The following CDKN2A variants were observed in gnomAD, a reference collection of about 807,000 sequenced individuals.
CDKN2A encodes cyclin dependent kinase inhibitor 2A.
Under a neutral mutation model 11.1 loss-of-function variants are expected in CDKN2A, and 3 were observed. The observed-to-expected ratio is 0.27, with a 90% CI of 0.12 to 0.70. CDKN2A has a LOEUF of 0.70. CDKN2A is among the 30% of genes least tolerant of loss of function. The pLI, the probability that CDKN2A is intolerant of heterozygous loss-of-function variation, is 0.77. For missense variants in CDKN2A, 265 were observed against 233.6 expected (o/e 1.13, Z -0.88); for synonymous variants, 122 against 108.1 (o/e 1.13, Z -0.80).
At chr9:21,984,777 G>T (rs1405399908) in intron 2 of CDKN2A, among the ~76,000 whole-genome samples, 1 of 151,922 alleles carries the variant, frequency 6.6e-6, no homozygotes, top group Non-Finnish European at 1.5e-5. Context: ...ATGGAGAATG[G>T]TTGTCCCCCT....
At chr9:21,986,409 G>A (rs915632951) in intron 2 of CDKN2A, among the ~76,000 whole-genome samples, 2 of 152,074 alleles carry the variant, frequency 1.3e-5, no homozygotes, top group Admixed American at 6.5e-5. Flanking sequence ...TTATACGGCT[G>A]ATGCTTGAGT....
chr9:21,985,340 C>A (rs1486174545), intron 2 of CDKN2A, among the ~76,000 whole-genome samples: 2 of 151,912 alleles, frequency 1.3e-5, no homozygotes, highest in Non-Finnish European at 2.9e-5. Context: ...TAAATAACTT[C>A]TTCACATTTG....
chr9:21,991,168 G>C lies in CDKN2A; in HGVS notation c.-4+2714C>G, dbSNP rs1290359475. ...TCACGTTGGTTTTTGTATCAGGCTG[G>C]GCTTTGCAGCAGATGGAGGAGCTAG... On this transcript the variant is annotated intron_variant, in intron 2 of 3. Transcript: ENST00000494262. This position sits in a 1 kb window ranked among gnomAD's most constrained non-coding sequence, Gnocchi z 5.2. 6.6e-6 allele frequency among the ~76,000 whole-genome samples: 1 copy of C among 152,138 alleles called. No homozygotes were observed. Among genetic ancestry groups the C allele is most frequent in the Non-Finnish European group, 1.5e-5 (1 of 68,030 alleles).
chr9:21,973,528 C>T (rs1318790325), intron 1 of CDKN2A, among the ~76,000 whole-genome samples: 3 of 152,132 alleles, frequency 2.0e-5, no homozygotes, highest in Admixed American at 6.5e-5. Flanking sequence ...GCCAAACTCC[C>T]GGGTTCAAGC....
In CDKN2A at chr9:21,967,900, C is replaced by T; in HGVS notation, c.*329G>A. On this transcript the variant is annotated 3_prime_UTR_variant, in exon 3 of 3. Transcript: ENST00000304494. ...TGAAGTCGACAGCTTCCGGAGGCTG[C>T]GAGGCTCGCAAGAAATGCCCACATG... The T allele has an allele frequency of 2.7e-6, 1 of 367,768 alleles. No individual in the cohort carries two copies. The highest frequency in any genetic ancestry group is 4.9e-6 in the Non-Finnish European group (1 of 203,480). 22.8% of individuals were successfully genotyped at this position (367,768 alleles called of 1,614,324 possible).
Position 21,995,026 on chromosome 9 carries a change from A to T in CDKN2A, c.-381T>A, listed in dbSNP as rs554394716. 4 of 152,378 alleles carry T rather than the reference A, an allele frequency of 2.6e-5. No individual in the cohort carries two copies. In the East Asian group the frequency reaches 5.8e-4, roughly 22 times the overall value. 9.4% of individuals were successfully genotyped at this position (152,378 alleles called of 1,614,324 possible). ...GGCTGAATGTCAGTTTTGAACTAAAAGCCGCTCCGCTCCTCTTCTAGATTT... is the reference window on the plus strand; with the variant it reads ...GGCTGAATGTCAGTTTTGAACTAAATGCCGCTCCGCTCCTCTTCTAGATTT... On this transcript the variant is annotated 5_prime_UTR_variant, in exon 1 of 4. Coordinates refer to the CDKN2A transcript ENST00000494262. This position sits in a 1 kb window ranked among gnomAD's most constrained non-coding sequence, Gnocchi z 5.7.
chr9:21,984,332 G>A (rs3731218), intron 2 of CDKN2A, among the ~76,000 whole-genome samples: 2,070 of 152,074 alleles, frequency 0.014, 27 homozygotes, highest in Middle Eastern at 0.034. Context: ...ACTGGAGAGT[G>A]TCACTGTGTT....
At chr9:21,987,865 G>A (rs1820338645) in intron 2 of CDKN2A, among the ~76,000 whole-genome samples, 1 of 152,118 alleles carries the variant, frequency 6.6e-6, no homozygotes, top group South Asian at 2.1e-4. Context: ...GTCCCAATGG[G>A]CCACTTGTAT....
upstream of CDKN2A, among the ~76,000 whole-genome samples, chr9:21,975,358 G>A (rs936760907): frequency 6.6e-6 from 1 of 152,098 alleles, no homozygotes; most frequent in African/African-American, 2.4e-5. Context: ...GTGTCATAGG[G>A]AAAGTATGGC....
rs1162872633 is a variant in CDKN2A at position 21,991,481 on chromosome 9, A to C, written c.-4+2401T>G. On this transcript the variant is annotated intron_variant, in intron 2 of 3. Transcript: ENST00000494262. This position sits in a 1 kb window ranked among gnomAD's most constrained non-coding sequence, Gnocchi z 5.2. ...CTAGAATGTTTTAGTACAGAAGGCA[A>C]GTGAGATTTTCTCTGTTTCTCCAAG... The C allele has an allele frequency of 5.4e-6, 1 of 185,422 alleles. No individual in the cohort carries two copies. The highest frequency in any genetic ancestry group is 2.4e-5 in the African/African-American group (1 of 41,998). The allele number at this position is 185,422 out of a possible 1,614,324, so 11.5% of individuals were successfully genotyped here.
upstream of CDKN2A, chr9:21,975,191 C>T: frequency 9.0e-7 from 1 of 1,112,258 alleles, no homozygotes; most frequent in South Asian, 3.9e-5. Flanking sequence ...GCCCCCCACA[C>T]CGCCCTCCGG....
chr9:21,977,080 C>T (rs937925271), upstream of CDKN2A, among the ~76,000 whole-genome samples: 1 of 152,164 alleles, frequency 6.6e-6, no homozygotes, highest in African/African-American at 2.4e-5. Flanking sequence ...GATTTTAAAA[C>T]ATGTAGTTTT....
chr9:21,973,372 G>C lies in CDKN2A; in HGVS notation c.150+1306C>G, dbSNP rs76709929. Among the ~76,000 whole-genome samples, 914 of 152,282 alleles carry C rather than the reference G, an allele frequency of 6.0e-3. 17 individuals carry two copies. The highest frequency in any genetic ancestry group is 0.021 in the African/African-American group (856 of 41,566). On this transcript the variant is annotated intron_variant, in intron 1 of 2. Transcript: ENST00000304494. ...TGTTCCTATATTAAACACCAATGTAGTTAGGATTCTAAGCCAACATCATTT... is the reference window on the plus strand; with the variant it reads ...TGTTCCTATATTAAACACCAATGTACTTAGGATTCTAAGCCAACATCATTT...
intron 1 of CDKN2A, among the ~76,000 whole-genome samples, chr9:21,973,640 C>T (rs1162954123): frequency 6.6e-6 from 1 of 152,138 alleles, no homozygotes; most frequent in Non-Finnish European, 1.5e-5. Context: ...GGAGAAACAC[C>T]TCTGTTCAAA....
Position 21,974,420 on chromosome 9 carries a change from T to C in CDKN2A, c.150+258A>G. 1 of 1,605,510 alleles carries C rather than the reference T, an allele frequency of 6.2e-7. No homozygotes were observed. The highest frequency in any genetic ancestry group is 8.5e-7 in the Non-Finnish European group (1 of 1,174,980). On this transcript the variant is annotated intron_variant, in intron 1 of 2. Coordinates refer to ENST00000304494, the MANE Select transcript of CDKN2A (RefSeq NM_000077.5). The surrounding 1 kb of genome is among the most constrained non-coding windows in gnomAD (Gnocchi z 5.2). Reference sequence around the variant, plus strand: ...AGAGCATACTTCCATCTAATACAAATATGTTCCCCCCTTCAGATCTTCTCA... The same window carrying C: ...AGAGCATACTTCCATCTAATACAAACATGTTCCCCCCTTCAGATCTTCTCA...
At chr9:21,980,352 G>C (rs1198948038) in intron 2 of CDKN2A, among the ~76,000 whole-genome samples, 1 of 152,162 alleles carries the variant, frequency 6.6e-6, no homozygotes, top group Non-Finnish European at 1.5e-5. Flanking sequence ...TCTCTGGGGA[G>C]ATACAGGAAA....
chr9:21,979,842 T>C (rs1014360108), upstream of CDKN2A, among the ~76,000 whole-genome samples: 1 of 152,182 alleles, frequency 6.6e-6, no homozygotes, highest in African/African-American at 2.4e-5. Context: ...ACCTGATTAC[T>C]TTCTTTAAAC....
At chr9:21,994,385 C>A (rs1443586456) in intron 1 of CDKN2A, 2 of 1,607,756 alleles carry the variant, frequency 1.2e-6, no homozygotes, top group African/African-American at 2.7e-5. Context: ...CCCTTTGGCA[C>A]CAGAGGTGAG....
At chr9:21,992,365 C>T in intron 2 of CDKN2A, 5 of 949,764 alleles carry the variant, frequency 5.3e-6, no homozygotes, top group Non-Finnish European at 6.3e-6. Flanking sequence ...TATCATTTTA[C>T]ATATGAAATT....
Sources: gnomAD v4.1 joint callset for allele counts (sites outside exome capture counted in the v4.1 genomes callset) on GRCh38, gnomAD v4.1.1 for gene constraint, Gnocchi (gnomAD v3.1) non-coding constraint, MANE v1.5 for transcripts, NCBI Gene and HGNC (gene_info 2026-07-23, HGNC 2026-07-21) for gene names.